ADAMTS2: variants seen among roughly 807,000 people sequenced by gnomAD.
ADAMTS2 encodes the protein A disintegrin and metalloproteinase with thrombospondin motifs 2.
ADAMTS2 carries 50 observed loss-of-function variants against 123.0 expected under a neutral mutation model. That is an observed-to-expected ratio of 0.41 (90% CI 0.32 to 0.51). The LOEUF (loss-of-function observed/expected upper bound fraction) is 0.51. Among genes scored for constraint, ADAMTS2 ranks in the 20% least tolerant of loss-of-function variants. The pLI is 0.35. For missense variants in ADAMTS2, 1,494 were observed against 1,705.2 expected, an observed-to-expected ratio of 0.88 and a Z score of 2.18; for synonymous variants, 678 against 695.4, an observed-to-expected ratio of 0.98 and a Z score of 0.39.
At chr5:179,333,395 A>G (rs1024482685) in intron 2 of ADAMTS2, among the ~76,000 whole-genome samples, 5 of 152,236 alleles carry the variant, frequency 3.3e-5, no homozygotes, top group Non-Finnish European at 7.4e-5. Context: ...ATGCTGTACA[A>G]AAGACTCTCC....
chr5:179,187,739 T>C (rs542520724), intron 4 of ADAMTS2, among the ~76,000 whole-genome samples: 7 of 152,246 alleles, frequency 4.6e-5, no homozygotes, highest in African/African-American at 9.6e-5. Flanking sequence ...GTCTGAGAAA[T>C]TGATCCTGGA....
intron 2 of ADAMTS2, among the ~76,000 whole-genome samples, chr5:179,327,589 C>A (rs1046379994): frequency 6.6e-6 from 1 of 152,188 alleles, no homozygotes; most frequent in African/African-American, 2.4e-5. Context: ...AACATGGGCA[C>A]ATCCTGCGTT....
chr5:179,227,084 G>A (rs1030892687), intron 3 of ADAMTS2, among the ~76,000 whole-genome samples: 2 of 151,030 alleles, frequency 1.3e-5, no homozygotes, highest in African/African-American at 2.4e-5. Flanking sequence ...CCTTGAGCCA[G>A]AGATTCTAAT....
At chr5:179,131,240 A>G (rs890007640) in intron 15 of ADAMTS2, among the ~76,000 whole-genome samples, 73 of 149,886 alleles carry the variant, frequency 4.9e-4, no homozygotes, top group Non-Finnish European at 1.0e-3. Context: ...TTGAACCCAG[A>G]AGGCGGAGGT....
At chr5:179,210,164 C>T (rs1390220234) in intron 3 of ADAMTS2, among the ~76,000 whole-genome samples, 1 of 152,230 alleles carries the variant, frequency 6.6e-6, no homozygotes, top group Non-Finnish European at 1.5e-5. Context: ...ACAAAACACA[C>T]AGGGCTTGGC....
At chr5:179,165,861 G>A (rs1444382941) in intron 5 of ADAMTS2, among the ~76,000 whole-genome samples, 1 of 152,156 alleles carries the variant, frequency 6.6e-6, no homozygotes, top group African/African-American at 2.4e-5. Context: ...TGAAGTCCAG[G>A]GGCCCATCCA....
intron 3 of ADAMTS2, among the ~76,000 whole-genome samples, chr5:179,223,789 G>A (rs1765204361): frequency 6.6e-6 from 1 of 151,920 alleles, no homozygotes; most frequent in African/African-American, 2.4e-5. Context: ...GGATGTGTGT[G>A]CATGTCACAC....
chr5:179,238,028 T>C (rs573086691), intron 3 of ADAMTS2, among the ~76,000 whole-genome samples: 2 of 152,276 alleles, frequency 1.3e-5, no homozygotes, highest in African/African-American at 4.8e-5. Flanking sequence ...TTGAACATCC[T>C]ACAATAAACA....
chr5:179,316,392 G>T (rs569862232), intron 2 of ADAMTS2, among the ~76,000 whole-genome samples: 16 of 152,350 alleles, frequency 1.1e-4, no homozygotes, highest in East Asian at 1.9e-4. Flanking sequence ...GCTGAGAGCA[G>T]CAGGGCCCTC....
At chr5:179,223,527 C>CATGCACTCACACAAGA (rs140403370) in intron 3 of ADAMTS2, among the ~76,000 whole-genome samples, 1 of 146,962 alleles carries the variant, frequency 6.8e-6, no homozygotes, top group Non-Finnish European at 1.5e-5. Context: ...CACTCACACA[C>CATGCACTCACACAAGA]ATGCACTCAC....
rs768536575 is a variant in ADAMTS2 at position 179,332,199 on chromosome 5, G to A, written c.534+11568C>T. Among the ~76,000 whole-genome samples the A allele has an allele frequency of 5.9e-5, 9 of 152,210 alleles. No homozygotes were observed. Among genetic ancestry groups the A allele is most frequent in the Non-Finnish European group, 1.3e-4 (9 of 68,046 alleles). On this transcript the variant is annotated intron_variant, in intron 2 of 21. Coordinates refer to ENST00000251582, the MANE Select transcript of ADAMTS2 (RefSeq NM_014244.5). This position sits in a 1 kb window ranked among gnomAD's most constrained non-coding sequence, Gnocchi z 4.2. The stretch of plus-strand genomic sequence containing the variant: ...AGTTGATTATTAAAGACACAACCCA[G>A]GAACAGCTGCATGGGAGGGATGGGC...
At chr5:179,282,308 A>C (rs960379432) in intron 2 of ADAMTS2, among the ~76,000 whole-genome samples, 22 of 152,198 alleles carry the variant, frequency 1.4e-4, no homozygotes, top group Non-Finnish European at 2.9e-5. Context: ...TTTACAGTTA[A>C]TATTTGTGTA....
chr5:179,186,872 C>T (rs1192650871), intron 4 of ADAMTS2, among the ~76,000 whole-genome samples: 12 of 143,728 alleles, frequency 8.3e-5, no homozygotes, highest in East Asian at 2.1e-4. Flanking sequence ...TTCTTCACTA[C>T]GATCACCAAG....
At position 179,227,536 on chromosome 5, in the gene ADAMTS2, TGG is replaced by T. The variant is rs539145531; in HGVS notation, c.689-19823_689-19822del. On this transcript the variant is annotated intron_variant, in intron 3 of 21. Coordinates refer to ENST00000251582, the MANE Select transcript of ADAMTS2 (RefSeq NM_014244.5). ...TCTGGTGGGCTGCAGGGCCCCCAGC[TGG>T]GGCCCTTTGAGTGATGATGAGCCTG... 1.2e-4 allele frequency among the ~76,000 whole-genome samples: 18 copies of T among 152,260 alleles called. No individual in the cohort carries two copies. The South Asian group carries it at 3.5e-3, about 30-fold the overall frequency.
intron 2 of ADAMTS2, among the ~76,000 whole-genome samples, chr5:179,295,642 A>G (rs987396070): frequency 6.6e-5 from 10 of 152,280 alleles, no homozygotes; most frequent in Admixed American, 3.9e-4. Context: ...CACACGGGTG[A>G]GCCAGTTCCC....
intron 3 of ADAMTS2, among the ~76,000 whole-genome samples, chr5:179,224,618 CCTCCAGCCCA>C (rs1765232855): frequency 1.3e-5 from 2 of 152,250 alleles, no homozygotes; most frequent in Admixed American, 1.3e-4. Context: ...GGGCACACTG[CCTCCAGCCCA>C]AGGTGGCCAG....
At position 179,129,239 on chromosome 5, in the gene ADAMTS2, G is replaced by A. The variant is rs1012577447; in HGVS notation, c.2457+693C>T. 6.6e-6 allele frequency among the ~76,000 whole-genome samples: 1 copy of A among 152,116 alleles called. No individual in the cohort carries two copies. Among genetic ancestry groups the A allele is most frequent in the Admixed American group, 6.5e-5 (1 of 15,274 alleles). On this transcript the variant is annotated intron_variant, in intron 16 of 21. Coordinates refer to ENST00000251582, the MANE Select transcript of ADAMTS2 (RefSeq NM_014244.5). The surrounding 1 kb of genome is among the most constrained non-coding windows in gnomAD (Gnocchi z 4.1). ...GCAGGCAGGGTGCCAGGGGGTACAC[G>A]GGGCATACCTGGCTCACTGCTGCAC...
rs116708837 is a variant in ADAMTS2 at position 179,139,970 on chromosome 5, G to A, written c.1695C>T (p.Gly565=). ...PDILKRDGSW[G]AWSPFGSCSR... Reference sequence around the variant, plus strand: ...AGCAGGAGCCAAACGGACTCCAAGCGCCCCAGCTGCCGTCCCGTTTGAGGA... The same window carrying A: ...AGCAGGAGCCAAACGGACTCCAAGCACCCCAGCTGCCGTCCCGTTTGAGGA... Residue 565 remains glycine (G), a synonymous_variant, in exon 11 of 22, where the codon GGC becomes GGT. Coordinates refer to ENST00000251582, the MANE Select transcript of ADAMTS2 (RefSeq NM_014244.5). 1,285 of 1,613,954 alleles carry A rather than the reference G, an allele frequency of 8.0e-4. 11 individuals carry two copies. The African/African-American group carries it at 0.015, about 19-fold the overall frequency.
Position 179,115,693 on chromosome 5 carries a change from G to GGAAAGGGAGGGAGAAAGGGAGGGA in ADAMTS2, c.3179-1393_3179-1370dup, listed in dbSNP as rs60605601. The stretch of plus-strand genomic sequence containing the variant: ...AGGGACAAAAGGAAGAAAGGGAGGA[G>GGAAAGGGAGGGAGAAAGGGAGGGA]GAAAGGGAGGGAGAAAGGGAGGGAG... On this transcript the variant is annotated intron_variant, in intron 21 of 21. Transcript: ENST00000251582. The surrounding 1 kb of genome is among the most constrained non-coding windows in gnomAD (Gnocchi z 4.4). Among the ~76,000 whole-genome samples, 4 of 152,046 alleles carry GGAAAGGGAGGGAGAAAGGGAGGGA rather than the reference G, an allele frequency of 2.6e-5. No homozygotes were observed. The highest frequency in any genetic ancestry group is 9.7e-5 in the African/African-American group (4 of 41,332).
Sources: allele counts gnomAD v4.1 joint callset (sites outside exome capture counted in the v4.1 genomes callset), GRCh38; gene constraint gnomAD v4.1.1; non-coding constraint Gnocchi (gnomAD v3.1); transcripts MANE v1.5; gene names NCBI Gene and HGNC (gene_info 2026-07-23, HGNC 2026-07-21).